Variants in CEP128 observed in about 807,000 individuals in gnomAD.
The protein encoded by CEP128 is centrosomal protein 128, also known as centrosomal protein 128kDa.
CEP128 carries 132 observed loss-of-function variants against 156.7 expected under a neutral mutation model. That is an observed-to-expected ratio of 0.84 (90% CI 0.73 to 0.97). The LOEUF (loss-of-function observed/expected upper bound fraction) is 0.97. Among genes scored for constraint, CEP128 ranks in the 50% least tolerant of loss-of-function variants. The probability of loss-of-function intolerance (pLI) is 0.00; values close to 1 mark genes in which losing one functional copy is unlikely to be tolerated. For missense variants in CEP128, 1,252 were observed against 1,281.9 expected (o/e 0.98, Z 0.36); for synonymous variants, 469 against 448.9 (o/e 1.04, Z -0.57).
At chr14:80,779,520 T>C (rs1397903699) in intron 15 of CEP128, among the ~76,000 whole-genome samples, 2 of 152,216 alleles carry the variant, frequency 1.3e-5, no homozygotes, top group Non-Finnish European at 2.9e-5. Flanking sequence ...AACAAAAGCA[T>C]AGGTAAATAC....
intron 19 of CEP128, among the ~76,000 whole-genome samples, chr14:80,628,029 C>T (rs534023237): frequency 3.3e-5 from 5 of 152,186 alleles, no homozygotes; most frequent in African/African-American, 7.2e-5. Context: ...AGTCTAGCTT[C>T]GGGAGTAAGC....
intron 19 of CEP128, among the ~76,000 whole-genome samples, chr14:80,621,333 A>C (rs1893470147): frequency 6.6e-6 from 1 of 152,190 alleles, no homozygotes; most frequent in South Asian, 2.1e-4. Context: ...CAGGTTTAAA[A>C]AATATCTAAT....
chr14:80,539,893 G>A (rs1889664833), intron 21 of CEP128, among the ~76,000 whole-genome samples: 1 of 152,034 alleles, frequency 6.6e-6, no homozygotes, highest in South Asian at 2.1e-4. Context: ...TTGAGATAAG[G>A]ACTGAGATAC....
intron 19 of CEP128, among the ~76,000 whole-genome samples, chr14:80,597,192 A>G (rs1892367575): frequency 6.6e-6 from 1 of 152,098 alleles, no homozygotes. Context: ...AGAGAAAGAG[A>G]GACGGGGCAG....
chr14:80,895,703 A>G lies in CEP128; in HGVS notation c.645+15T>C. On this transcript the variant is annotated intron_variant, in intron 8 of 24. Coordinates refer to ENST00000555265, the MANE Select transcript of CEP128 (RefSeq NM_152446.5). Reference sequence around the variant, plus strand: ...ACATGTGAAATAAAACTTTTTATTAAAAAAGAGATCTCACCACTTCTTGTT... The same window carrying G: ...ACATGTGAAATAAAACTTTTTATTAGAAAAGAGATCTCACCACTTCTTGTT... The G allele has an allele frequency of 6.6e-7, 1 of 1,525,626 alleles. No homozygotes were observed. The highest frequency in any genetic ancestry group is 8.8e-7 in the Non-Finnish European group (1 of 1,132,340). 94.5% of individuals were successfully genotyped at this position (1,525,626 alleles called of 1,614,324 possible).
intron 21 of CEP128, among the ~76,000 whole-genome samples, chr14:80,544,056 C>T (rs950373936): frequency 5.9e-5 from 9 of 152,160 alleles, no homozygotes; most frequent in African/African-American, 2.2e-4. Flanking sequence ...ACTCAACAAG[C>T]ATTTACTAGC....
intron 23 of CEP128, among the ~76,000 whole-genome samples, chr14:80,517,573 G>T (rs1027619423): frequency 6.6e-6 from 1 of 152,094 alleles, no homozygotes; most frequent in Admixed American, 6.6e-5. Flanking sequence ...TCATTCTGTT[G>T]TGGATAGACA....
At chr14:80,907,436 G>T (rs576372189) in intron 4 of CEP128, among the ~76,000 whole-genome samples, 85 of 152,040 alleles carry the variant, frequency 5.6e-4, no homozygotes, top group Admixed American at 3.7e-3. Context: ...GAGGCGGCTG[G>T]ATCACTAGGT....
intron 20 of CEP128, among the ~76,000 whole-genome samples, chr14:80,574,718 G>T (rs1891286021): frequency 6.6e-6 from 1 of 152,118 alleles, no homozygotes; most frequent in Non-Finnish European, 1.5e-5. Context: ...TCGAAAGACT[G>T]TGTTGCCATA....
At chr14:80,668,274 A>G (rs150292447) in intron 19 of CEP128, among the ~76,000 whole-genome samples, 1 of 152,226 alleles carries the variant, frequency 6.6e-6, no homozygotes, top group Non-Finnish European at 1.5e-5. Context: ...CTGTAAATTT[A>G]TCTCTCTGAA....
chr14:80,733,905 G>A (rs1898398917), intron 19 of CEP128, among the ~76,000 whole-genome samples: 1 of 152,164 alleles, frequency 6.6e-6, no homozygotes, highest in Non-Finnish European at 1.5e-5. Flanking sequence ...TGAAAATTCA[G>A]TCTGTTAGAG....
intron 19 of CEP128, among the ~76,000 whole-genome samples, chr14:80,649,684 T>C (rs1218140413): frequency 1.3e-5 from 2 of 152,086 alleles, no homozygotes; most frequent in South Asian, 4.1e-4. Context: ...AAATATTTTA[T>C]TAACAGTTGG....
intron 4 of CEP128, among the ~76,000 whole-genome samples, chr14:80,911,259 G>A (rs1397030774): frequency 6.6e-6 from 1 of 152,190 alleles, no homozygotes; most frequent in Non-Finnish European, 1.5e-5. Flanking sequence ...AGCACTTTGG[G>A]AGGCCAAGGC....
intron 19 of CEP128, among the ~76,000 whole-genome samples, chr14:80,636,150 C>T (rs1162552832): frequency 6.6e-6 from 1 of 152,150 alleles, no homozygotes; most frequent in Non-Finnish European, 1.5e-5. Context: ...ATGACTGCAT[C>T]TTATGCTTTT....
chr14:80,893,813 G>A (rs1050957866), intron 8 of CEP128, among the ~76,000 whole-genome samples: 9 of 151,872 alleles, frequency 5.9e-5, no homozygotes, highest in African/African-American at 2.2e-4. Context: ...TGGAATACTG[G>A]CATTTGGATA....
At chr14:80,881,901 A>G (rs898479363) in intron 8 of CEP128, among the ~76,000 whole-genome samples, 1 of 152,220 alleles carries the variant, frequency 6.6e-6, no homozygotes, top group Non-Finnish European at 1.5e-5. Flanking sequence ...ACTCACAGCA[A>G]CTATCATCCC....
At chr14:80,883,491 C>T (rs1595543268) in intron 8 of CEP128, among the ~76,000 whole-genome samples, 1 of 151,854 alleles carries the variant, frequency 6.6e-6, no homozygotes. Flanking sequence ...ATCCAATTTA[C>T]AATAGCTAAA....
chr14:80,916,318 C>A, intron 3 of CEP128, 83 bp downstream of exon 3: 1 of 1,116,446 alleles, frequency 9.0e-7, no homozygotes, highest in Non-Finnish European at 1.3e-6. Flanking sequence ...GTTACAGCAG[C>A]AAGAAAACTA....
At chr14:80,757,301 G>A (rs1899715668) in intron 17 of CEP128, among the ~76,000 whole-genome samples, 1 of 152,118 alleles carries the variant, frequency 6.6e-6, no homozygotes, top group Non-Finnish European at 1.5e-5. Context: ...CCTCTCCTCA[G>A]TCGTGTTCTA....
Sources: allele counts gnomAD v4.1 joint callset (sites outside exome capture counted in the v4.1 genomes callset), GRCh38; gene constraint gnomAD v4.1.1; transcripts MANE v1.5; gene names NCBI Gene and HGNC (gene_info 2026-07-23, HGNC 2026-07-21).